Variants in RPS6KA2 observed in about 807,000 individuals in gnomAD.
RPS6KA2 encodes ribosomal protein S6 kinase A2.
Under a neutral mutation model 91.8 loss-of-function variants are expected in RPS6KA2, and 42 were observed. That is an observed-to-expected ratio of 0.46 (90% CI 0.36 to 0.59). RPS6KA2 has a LOEUF of 0.59. RPS6KA2 is among the 20% of genes least tolerant of loss of function. RPS6KA2 has a pLI of 0.00. For synonymous variants in RPS6KA2, 414 were observed against 393.6 expected (o/e 1.05, Z -0.61); for missense variants, 798 against 978.5 (o/e 0.82, Z 2.46).
intron 7 of RPS6KA2, among the ~76,000 whole-genome samples, chr6:166,498,984 G>T (rs943175682): frequency 2.6e-5 from 4 of 152,180 alleles, no homozygotes; most frequent in African/African-American, 9.7e-5. Flanking sequence ...GTGGAGGTGG[G>T]GTGTTGCAGG....
At chr6:166,497,813 G>A (rs759362139) in intron 8 of RPS6KA2, among the ~76,000 whole-genome samples, 4 of 152,226 alleles carry the variant, frequency 2.6e-5, no homozygotes, top group Non-Finnish European at 4.4e-5. Flanking sequence ...AAGTGCTCAT[G>A]GCCTCAGTTT....
At chr6:166,565,688 T>C (rs3778398) in intron 1 of RPS6KA2, among the ~76,000 whole-genome samples, 108,296 of 152,198 alleles carry the variant, frequency 0.71, 39,590 homozygotes, top group East Asian at 0.94. Flanking sequence ...AGCTAGCTGT[T>C]GGGCCAGTGG....
intron 2 of RPS6KA2, among the ~76,000 whole-genome samples, chr6:166,853,862 A>G (rs1780815751): frequency 6.6e-6 from 1 of 152,216 alleles, no homozygotes; most frequent in African/African-American, 2.4e-5. Context: ...TTGCCTCAGT[A>G]CACATGGCCT....
At chr6:166,594,407 A>C (rs551423041) in intron 1 of RPS6KA2, among the ~76,000 whole-genome samples, 1 of 152,366 alleles carries the variant, frequency 6.6e-6, no homozygotes, top group South Asian at 2.1e-4. Flanking sequence ...TATCTTATTA[A>C]AAAAATTGTC....
At chr6:166,466,901 C>CACTT (rs1392196516) in intron 11 of RPS6KA2, among the ~76,000 whole-genome samples, 1 of 69,294 alleles carries the variant, frequency 1.4e-5, no homozygotes, top group Non-Finnish European at 2.5e-5. Flanking sequence ...CTCACTCCCT[C>CACTT]ATTCACTCAT....
At chr6:166,754,393 T>C (rs7769737) in intron 2 of RPS6KA2, among the ~76,000 whole-genome samples, 33,467 of 152,048 alleles carry the variant, frequency 0.22, 5,596 homozygotes, top group African/African-American at 0.45. Context: ...TGCAGGAACG[T>C]GTGGGCAGGG....
intron 1 of RPS6KA2, among the ~76,000 whole-genome samples, chr6:166,607,050 A>G (rs1485389143): frequency 1.3e-5 from 2 of 151,870 alleles, no homozygotes; most frequent in African/African-American, 4.8e-5. Context: ...ACTGAGGCAG[A>G]AGAATTGCTT....
intron 8 of RPS6KA2, among the ~76,000 whole-genome samples, chr6:166,497,855 G>T (rs1224092855): frequency 6.6e-6 from 1 of 152,218 alleles, no homozygotes; most frequent in Admixed American, 6.5e-5. Context: ...GCCGGAGGGC[G>T]GGATACCCCT....
chr6:166,582,292 A>C (rs1330875460), intron 1 of RPS6KA2, among the ~76,000 whole-genome samples: 1 of 152,194 alleles, frequency 6.6e-6, no homozygotes, highest in Non-Finnish European at 1.5e-5. Context: ...GGAGATCTGA[A>C]CTGTTGAGCT....
chr6:166,516,592 G>A (rs1782649924), intron 3 of RPS6KA2, among the ~76,000 whole-genome samples: 1 of 152,254 alleles, frequency 6.6e-6, no homozygotes, highest in South Asian at 2.1e-4. Flanking sequence ...AGCCAACGGG[G>A]CTGCCATTGA....
intron 16 of RPS6KA2, among the ~76,000 whole-genome samples, chr6:166,428,493 A>C (rs1378658226): frequency 2.9e-5 from 4 of 139,890 alleles, no homozygotes; most frequent in Non-Finnish European, 6.1e-5. Context: ...ACAGCAAAAG[A>C]AACTACCATC....
intron 3 of RPS6KA2, among the ~76,000 whole-genome samples, chr6:166,529,372 G>A (rs1015960977): frequency 2.2e-4 from 33 of 152,098 alleles, no homozygotes; most frequent in African/African-American, 6.0e-4. Flanking sequence ...ATTGAACAAC[G>A]AGAACCCTTG....
chr6:166,648,462 T>G lies in RPS6KA2; in HGVS notation c.124-109678A>C, dbSNP rs578013212. On this transcript the variant is annotated intron_variant, in intron 2 of 21. Transcript: ENST00000503859. The surrounding 1 kb of genome is among the most constrained non-coding windows in gnomAD (Gnocchi z 4.8). The stretch of plus-strand genomic sequence containing the variant: ...TTTGTACCTGAGACTGGGCAAGAAT[T>G]ACTTGAGAGCAGAAGCCATGTCTCA... 6.6e-6 allele frequency among the ~76,000 whole-genome samples: 1 copy of G among 152,312 alleles called. No homozygotes were observed. The highest frequency in any genetic ancestry group is 1.9e-4 in the East Asian group (1 of 5,194).
chr6:166,453,370 A>G (rs778400655), intron 12 of RPS6KA2, among the ~76,000 whole-genome samples: 2 of 152,210 alleles, frequency 1.3e-5, no homozygotes, highest in East Asian at 3.8e-4. Flanking sequence ...CAACTCAACA[A>G]CAACAACAAA....
At chr6:166,534,579 A>G (rs4490642) in intron 2 of RPS6KA2, among the ~76,000 whole-genome samples, 7,881 of 152,274 alleles carry the variant, frequency 0.052, 669 homozygotes, top group African/African-American at 0.18. Context: ...GACCAAGTCC[A>G]CATGGGGCAG....
At chr6:166,809,930 T>C (rs780538570) in intron 2 of RPS6KA2, among the ~76,000 whole-genome samples, 1 of 152,224 alleles carries the variant, frequency 6.6e-6, no homozygotes, top group Non-Finnish European at 1.5e-5. Flanking sequence ...GATGTATTAG[T>C]CTGTTCTCAC....
chr6:166,470,090 A>G (rs1780707385), intron 10 of RPS6KA2, among the ~76,000 whole-genome samples, 185 bp from the exon 11 acceptor site: 1 of 152,142 alleles, frequency 6.6e-6, no homozygotes, highest in Non-Finnish European at 1.5e-5. Context: ...GAAAGCCACG[A>G]CTCAGCCCCG....
chr6:166,723,202 C>T (rs1453236816), intron 2 of RPS6KA2, among the ~76,000 whole-genome samples: 1 of 152,244 alleles, frequency 6.6e-6, no homozygotes, highest in Non-Finnish European at 1.5e-5. Context: ...CGTTTCCTAG[C>T]CCTGCCATCC....
At chr6:166,616,075 G>A (rs992850081) in intron 1 of RPS6KA2, among the ~76,000 whole-genome samples, 3 of 152,116 alleles carry the variant, frequency 2.0e-5, no homozygotes, top group East Asian at 1.9e-4. Context: ...GTGTGTGGGT[G>A]CAGGGACGCA....
Sources: gnomAD v4.1 joint callset for allele counts (sites outside exome capture counted in the v4.1 genomes callset) on GRCh38, gnomAD v4.1.1 for gene constraint, Gnocchi (gnomAD v3.1) non-coding constraint, MANE v1.5 for transcripts, NCBI Gene and HGNC (gene_info 2026-07-23, HGNC 2026-07-21) for gene names.